Variants in SNTG1 observed in about 807,000 individuals in gnomAD.
SNTG1 encodes gamma-1-syntrophin.
In SNTG1, 39 loss-of-function variants were observed where a neutral mutation model predicts 74.7. That is an observed-to-expected ratio of 0.52 (90% CI 0.40 to 0.68). SNTG1 has a LOEUF of 0.68. Among genes scored for constraint, SNTG1 ranks in the 30% least tolerant of loss-of-function variants. The pLI is 0.00. For synonymous variants in SNTG1, 254 were observed against 217.1 expected, an observed-to-expected ratio of 1.17 and a Z score of -1.49; for missense variants, 685 against 609.5, an observed-to-expected ratio of 1.12 and a Z score of -1.30.
chr8:50,145,968 A>G (rs1022421763), intron 1 of SNTG1, among the ~76,000 whole-genome samples: 17 of 121,478 alleles, frequency 1.4e-4, no homozygotes, highest in Admixed American at 1.3e-3. Context: ...AAGTATAATA[A>G]TAATAAAAAA....
intron 2 of SNTG1, among the ~76,000 whole-genome samples, chr8:50,184,425 A>G (rs1024743407): frequency 1.3e-5 from 2 of 152,062 alleles, no homozygotes; most frequent in Non-Finnish European, 2.9e-5. Context: ...TGGCCTCCCA[A>G]AGTGCTGGGA....
intron 9 of SNTG1, among the ~76,000 whole-genome samples, chr8:50,511,759 A>G (rs900686842): frequency 2.1e-4 from 31 of 150,678 alleles, no homozygotes; most frequent in Non-Finnish European, 4.4e-4. Flanking sequence ...TTTGTTTTCC[A>G]TTTGCTTGGT....
At chr8:50,792,538 GAAA>G in intron 18 of SNTG1, 130 bp from the exon 19 acceptor site, 1 of 936,316 alleles carries the variant, frequency 1.1e-6, no homozygotes, top group Non-Finnish European at 1.6e-6. Context: ...GTCTACATTT[GAAA>G]TTAGTTTCCA....
chr8:50,233,689 A>G (rs1586788788), intron 2 of SNTG1, among the ~76,000 whole-genome samples: 1 of 150,022 alleles, frequency 6.7e-6, no homozygotes, highest in Non-Finnish European at 1.5e-5. Flanking sequence ...ATTTATAAAG[A>G]ATTCTCAAAA....
intron 1 of SNTG1, among the ~76,000 whole-genome samples, chr8:50,069,583 ATTTTTTTTTTTTTTTTTTTTT>A (rs71235778): frequency 9.0e-5 from 6 of 67,032 alleles, no homozygotes; most frequent in Admixed American, 2.5e-4. Flanking sequence ...ATTGGGAGGA[ATTTTTTTTTTTTTTTTTTTTT>A]TTTTTTTTTT....
chr8:50,007,424 T>C (rs1209191421), intron 1 of SNTG1, among the ~76,000 whole-genome samples: 1 of 152,158 alleles, frequency 6.6e-6, no homozygotes. Context: ...CCATATTGTC[T>C]GGACTGGAAA....
chr8:50,013,434 T>G (rs2130596746), intron 1 of SNTG1, among the ~76,000 whole-genome samples: 1 of 152,092 alleles, frequency 6.6e-6, no homozygotes, highest in East Asian at 1.9e-4. Context: ...TTCTTTTCAT[T>G]AAATCTATAA....
At chr8:50,425,864 G>A (rs1468643887) in intron 4 of SNTG1, among the ~76,000 whole-genome samples, 3 of 152,192 alleles carry the variant, frequency 2.0e-5, no homozygotes. Flanking sequence ...TAAGCTTGCA[G>A]TGAAGAAGCA....
At chr8:50,445,959 T>C (rs1156741311) in intron 5 of SNTG1, among the ~76,000 whole-genome samples, 1 of 152,118 alleles carries the variant, frequency 6.6e-6, no homozygotes, top group Non-Finnish European at 1.5e-5. Context: ...AAGCCAAAAT[T>C]TCAAAAATGA....
rs545758994 is a variant in SNTG1 at position 50,600,255 on chromosome 8, A to AT, written c.849+9348dup. On this transcript the variant is annotated intron_variant, in intron 13 of 18. Coordinates refer to ENST00000642720, the MANE Select transcript of SNTG1 (RefSeq NM_018967.5). ...TTTTCATCAGAAATATTGGCCTGTA[A>AT]TTTTTTTTTTCAGATATGCCTTTGT... 1.5e-4 allele frequency among the ~76,000 whole-genome samples: 22 copies of AT among 149,692 alleles called. No individual in the cohort carries two copies. In the East Asian group the frequency reaches 2.6e-3, roughly 17 times the overall value.
chr8:49,974,043 T>A (rs1811964009), intron 1 of SNTG1, among the ~76,000 whole-genome samples: 1 of 152,200 alleles, frequency 6.6e-6, no homozygotes. Context: ...AGAGTATTCA[T>A]CATTTCAAGT....
intron 1 of SNTG1, among the ~76,000 whole-genome samples, chr8:50,119,342 T>G (rs2080923865): frequency 7.1e-6 from 1 of 139,934 alleles, no homozygotes; most frequent in Admixed American, 7.5e-5. Context: ...ATGGCCTCCT[T>G]GGATTAATCA....
At chr8:50,717,230 A>G (rs1475700997) in intron 17 of SNTG1, among the ~76,000 whole-genome samples, 1 of 152,006 alleles carries the variant, frequency 6.6e-6, no homozygotes, top group Non-Finnish European at 1.5e-5. Context: ...TTACTTTTTT[A>G]TTCTTTCTTT....
rs1317221866 is a variant in SNTG1, at chr8:50,118,804, T to C, written c.-102-53757T>C. ...CTTTTTATCATTCTAAAGAATTATA[T>C]ATAGATTAATATTAAAACCATGCTC... On this transcript the variant is annotated intron_variant, in intron 1 of 18. Coordinates refer to ENST00000642720, the MANE Select transcript of SNTG1 (RefSeq NM_018967.5). Among the ~76,000 whole-genome samples, 3 of 142,730 alleles carry C rather than the reference T, an allele frequency of 2.1e-5. 1 individual carries two copies. The highest frequency in any genetic ancestry group is 3.1e-5 in the Non-Finnish European group (2 of 64,076). The allele number at this position is 142,730 out of a possible 152,430, so 93.6% of individuals were successfully genotyped here. A position where few individuals can be genotyped will look rare whatever the true frequency, so the allele number is the denominator to read the frequency against.
At chr8:49,937,040 T>G (rs1808147710) in intron 1 of SNTG1, among the ~76,000 whole-genome samples, 1 of 152,038 alleles carries the variant, frequency 6.6e-6, no homozygotes, top group South Asian at 2.1e-4. Context: ...TTCCAGCTAC[T>G]CAGGAGGCTG....
At chr8:50,519,969 G>A (rs1005849314) in intron 9 of SNTG1, among the ~76,000 whole-genome samples, 2 of 151,928 alleles carry the variant, frequency 1.3e-5, no homozygotes, top group African/African-American at 4.8e-5. Context: ...CCAAAAAAGA[G>A]CCTGAATAGC....
rs553490521 is a variant in SNTG1, at chr8:50,249,028, A to C, written c.-28+76393A>C. ...CCCAGTATAACACCATATAGAGTGG[A>C]GCATGGTACCCTGTATCTGTCACAC... On this transcript the variant is annotated intron_variant, in intron 2 of 18. Coordinates refer to ENST00000642720, the MANE Select transcript of SNTG1 (RefSeq NM_018967.5). 7.9e-5 allele frequency among the ~76,000 whole-genome samples: 12 copies of C among 152,230 alleles called. No homozygotes were observed. The East Asian group carries it at 2.1e-3, about 27-fold the overall frequency.
At chr8:50,282,720 C>T (rs918870980) in intron 2 of SNTG1, among the ~76,000 whole-genome samples, 17 of 151,938 alleles carry the variant, frequency 1.1e-4, no homozygotes, top group Admixed American at 3.3e-4. Flanking sequence ...GAGCTGAGAT[C>T]GTGCCACTGC....
At chr8:50,153,916 A>G (rs1203756012) in intron 1 of SNTG1, among the ~76,000 whole-genome samples, 2 of 151,816 alleles carry the variant, frequency 1.3e-5, no homozygotes, top group Non-Finnish European at 2.9e-5. Flanking sequence ...GAGAACCACT[A>G]CTCTCTTTGA....
Sources: allele counts gnomAD v4.1 joint callset (sites outside exome capture counted in the v4.1 genomes callset), GRCh38; gene constraint gnomAD v4.1.1; transcripts MANE v1.5; gene names NCBI Gene and HGNC (gene_info 2026-07-23, HGNC 2026-07-21).